Variants in GRIP1 observed in about 807,000 individuals in gnomAD.
GRIP1 encodes glutamate receptor interacting protein 1, also known as glutamate receptor-interacting protein 1.
GRIP1 carries 45 observed loss-of-function variants against 129.9 expected under a neutral mutation model. The ratio of observed to expected loss-of-function variants is 0.35; its 90% CI spans 0.27 to 0.44. GRIP1 has a LOEUF of 0.44. Ranked by LOEUF, GRIP1 falls within the 20% of genes least tolerant of loss-of-function variation. The probability of loss-of-function intolerance (pLI) is 1.00; values close to 1 mark genes in which losing one functional copy is unlikely to be tolerated. For missense variants in GRIP1, 1,196 were observed against 1,396.8 expected, an observed-to-expected ratio of 0.86 and a Z score of 2.29; for synonymous variants, 530 against 520.8, an observed-to-expected ratio of 1.02 and a Z score of -0.24.
intron 7 of GRIP1, among the ~76,000 whole-genome samples, chr12:66,499,630 G>A (rs1441636087): frequency 6.6e-6 from 1 of 152,134 alleles, no homozygotes; most frequent in Admixed American, 6.5e-5. Context: ...AGAGACTATA[G>A]GAAGCATCTA....
chr12:66,813,470 G>A (rs2039142947), intron 1 of GRIP1, among the ~76,000 whole-genome samples: 1 of 152,150 alleles, frequency 6.6e-6, no homozygotes, highest in Admixed American at 6.5e-5. Context: ...ATAACATACA[G>A]TAAATACATC....
intron 16 of GRIP1, among the ~76,000 whole-genome samples, chr12:66,400,201 T>G (rs2056934645): frequency 1.3e-5 from 2 of 151,960 alleles, no homozygotes; most frequent in African/African-American, 4.9e-5. Context: ...GAATGGGAAC[T>G]CTGGGAGAGG....
At chr12:67,036,828 AC>A (rs2043102965) in intron 1 of GRIP1, among the ~76,000 whole-genome samples, 1 of 151,994 alleles carries the variant, frequency 6.6e-6, no homozygotes. Flanking sequence ...CTTCTCCACA[AC>A]ATCTCCAAGT....
intron 1 of GRIP1, among the ~76,000 whole-genome samples, chr12:66,968,764 A>G (rs987751516): frequency 1.1e-4 from 16 of 144,882 alleles, no homozygotes; most frequent in African/African-American, 4.0e-4. Flanking sequence ...AGCTCAATTA[A>G]TGAGAAAAGC....
In GRIP1 at chr12:66,785,343, C is replaced by CATACATATATATATATATATATATAT. The variant is rs377630345; in HGVS notation, c.-420+18709_-420+18710insATATATATATATATATATATATGTAT. ...ACATACATACATACATACATACATACATATATATATATATATATATTAGTT... is the reference window on the plus strand; with the variant it reads ...ACATACATACATACATACATACATACATACATATATATATATATATATATATATATATATATATATATATATTAGTT... On this transcript the variant is annotated intron_variant, in intron 1 of 4. Coordinates refer to the GRIP1 transcript ENST00000538373. 1.7e-3 allele frequency among the ~76,000 whole-genome samples: 124 copies of CATACATATATATATATATATATATAT among 72,710 alleles called. 1 individual carries two copies. The highest frequency in any genetic ancestry group is 6.5e-3 in the South Asian group (11 of 1,684). 47.7% of individuals were successfully genotyped at this position (72,710 alleles called of 152,430 possible).
intron 15 of GRIP1, among the ~76,000 whole-genome samples, chr12:66,411,360 G>T (rs2057396310): frequency 6.6e-6 from 1 of 152,122 alleles, no homozygotes; most frequent in African/African-American, 2.4e-5. Flanking sequence ...TAGACCCCCA[G>T]CAAACCACAA....
chr12:66,595,399 G>A (rs1421397795), intron 2 of GRIP1, among the ~76,000 whole-genome samples: 1 of 152,188 alleles, frequency 6.6e-6, no homozygotes, highest in East Asian at 1.9e-4. Context: ...CCCATGAAAA[G>A]AAAACATTGA....
chr12:66,679,690 G>A (rs1311394588), upstream of GRIP1, among the ~76,000 whole-genome samples: 1 of 152,116 alleles, frequency 6.6e-6, no homozygotes, highest in Non-Finnish European at 1.5e-5. Context: ...TCCAAAAAAG[G>A]ACTTGGCTGG....
At chr12:66,355,726 CACTCCCCA>C (rs990468865) in intron 23 of GRIP1, among the ~76,000 whole-genome samples, 61 of 152,188 alleles carry the variant, frequency 4.0e-4, no homozygotes, top group African/African-American at 1.4e-3. Context: ...GGCAGATCCC[CACTCCCCA>C]GCTCCTTGAG....
At chr12:66,697,481 A>C (rs1186527046) in intron 1 of GRIP1, among the ~76,000 whole-genome samples, 1 of 152,214 alleles carries the variant, frequency 6.6e-6, no homozygotes, top group Non-Finnish European at 1.5e-5. Flanking sequence ...TTCAAACAGA[A>C]GGCAGAATGG....
intron 1 of GRIP1, among the ~76,000 whole-genome samples, chr12:67,013,265 T>C (rs953089725): frequency 2.0e-5 from 3 of 152,186 alleles, no homozygotes; most frequent in Non-Finnish European, 4.4e-5. Flanking sequence ...AAAATTAATC[T>C]GGGTTTTAAG....
At chr12:66,863,014 G>A (rs17247323) in intron 1 of GRIP1, among the ~76,000 whole-genome samples, 35,478 of 151,538 alleles carry the variant, frequency 0.23, 4,117 homozygotes, top group East Asian at 0.29. Context: ...GGATGATAAC[G>A]TAGCATCTGA....
At chr12:67,040,430 A>C (rs1294665627) in intron 1 of GRIP1, among the ~76,000 whole-genome samples, 2 of 152,236 alleles carry the variant, frequency 1.3e-5, no homozygotes, top group Non-Finnish European at 2.9e-5. Flanking sequence ...CTTCCCACAA[A>C]GACATAAATC....
chr12:66,420,714 C>T lies in GRIP1; in HGVS notation c.1838+6G>A. The T allele has an allele frequency of 1.3e-6, 2 of 1,492,884 alleles. No individual in the cohort carries two copies. The highest frequency in any genetic ancestry group is 2.3e-5 in the South Asian group (2 of 88,670). 92.5% of individuals were successfully genotyped at this position (1,492,884 alleles called of 1,614,324 possible). ...TAAAATGAATCAGAAAATCCATTTT[C>T]CTTACCTGTGTGCCACACTCCCTTT... On this transcript the variant is annotated splice_donor_region_variant and intron_variant, in intron 15 of 24. Coordinates refer to ENST00000359742, the MANE Select transcript of GRIP1 (RefSeq NM_001366722.1).
chr12:66,973,698 A>G (rs2042108902), intron 1 of GRIP1, among the ~76,000 whole-genome samples: 1 of 152,074 alleles, frequency 6.6e-6, no homozygotes, highest in Non-Finnish European at 1.5e-5. Context: ...AAGACCACAT[A>G]TAACATGACC....
chr12:66,482,296 T>C (rs948551333), intron 7 of GRIP1, among the ~76,000 whole-genome samples: 1 of 152,166 alleles, frequency 6.6e-6, no homozygotes, highest in South Asian at 2.1e-4. Context: ...TCTAGGCATC[T>C]GAGGATGCTG....
At chr12:66,478,578 C>T (rs547569551) in intron 7 of GRIP1, among the ~76,000 whole-genome samples, 15 of 152,206 alleles carry the variant, frequency 9.9e-5, no homozygotes, top group Middle Eastern at 3.4e-3. Flanking sequence ...CACATGCACA[C>T]GTATGTTTAT....
intron 1 of GRIP1, among the ~76,000 whole-genome samples, chr12:66,687,552 A>G (rs949127752): frequency 1.3e-5 from 2 of 152,176 alleles, no homozygotes; most frequent in South Asian, 2.1e-4. Flanking sequence ...AAAAAATACA[A>G]TTCCTTTGCT....
chr12:66,893,182 C>CT (rs996369449), intron 1 of GRIP1, among the ~76,000 whole-genome samples: 17 of 150,814 alleles, frequency 1.1e-4, no homozygotes, highest in Non-Finnish European at 1.3e-4. Context: ...TTGGAATTGG[C>CT]TTTTTTTTTC....
Sources: allele counts gnomAD v4.1 joint callset (sites outside exome capture counted in the v4.1 genomes callset), GRCh38; gene constraint gnomAD v4.1.1; transcripts MANE v1.5; gene names NCBI Gene and HGNC (gene_info 2026-07-23, HGNC 2026-07-21).